The following TRIO variants were observed in gnomAD, a reference collection of about 807,000 sequenced individuals.
The protein encoded by TRIO is trio Rho guanine nucleotide exchange factor.
Under a neutral mutation model 351.9 loss-of-function variants are expected in TRIO, and 58 were observed. The ratio of observed to expected loss-of-function variants is 0.16; its 90% confidence interval spans 0.13 to 0.21. TRIO has a LOEUF of 0.21. Among genes scored for constraint, TRIO ranks in the 10% least tolerant of loss-of-function variants. The pLI is 1.00. For synonymous variants in TRIO, 1,758 were observed against 1,595.7 expected, an observed-to-expected ratio of 1.10 and a Z score of -2.42; for missense variants, 3,201 against 4,027.8, an observed-to-expected ratio of 0.79 and a Z score of 5.56.
intron 11 of TRIO, among the ~76,000 whole-genome samples, chr5:14,343,323 C>A (rs140636227): frequency 2.7e-3 from 416 of 152,280 alleles, no homozygotes; most frequent in Middle Eastern, 0.014. Context: ...ATTTGTGTAA[C>A]CACCATCACT....
chr5:14,330,477 G>A (rs1051451286), intron 9 of TRIO, among the ~76,000 whole-genome samples: 1 of 152,194 alleles, frequency 6.6e-6, no homozygotes, highest in Non-Finnish European at 1.5e-5. Context: ...GCCCAGTGGT[G>A]CATAGATAAG....
At chr5:14,335,022 C>G (rs1027395928) in intron 10 of TRIO, among the ~76,000 whole-genome samples, 1 of 150,496 alleles carries the variant, frequency 6.6e-6, no homozygotes, top group South Asian at 2.1e-4. Flanking sequence ...AGATCTGTCT[C>G]GTGTGTGTGT....
intron 38 of TRIO, among the ~76,000 whole-genome samples, chr5:14,471,796 G>A (rs1436872692): frequency 6.6e-6 from 1 of 152,090 alleles, no homozygotes; most frequent in African/African-American, 2.4e-5. Flanking sequence ...ATTAGAACCA[G>A]TCCCCAAAAC....
intron 48 of TRIO, among the ~76,000 whole-genome samples, chr5:14,491,042 C>T (rs914521548): frequency 3.9e-5 from 6 of 152,152 alleles, no homozygotes; most frequent in African/African-American, 7.2e-5. Context: ...GACTCCTCCA[C>T]GGCAGAGACA....
intron 9 of TRIO, among the ~76,000 whole-genome samples, chr5:14,329,974 C>G (rs1262668872): frequency 6.6e-6 from 1 of 152,150 alleles, no homozygotes; most frequent in East Asian, 1.9e-4. Context: ...GTACGGAGAG[C>G]CGACTGTACT....
chr5:14,334,245 C>A (rs1581640861), intron 10 of TRIO, among the ~76,000 whole-genome samples: 1 of 152,142 alleles, frequency 6.6e-6, no homozygotes, highest in East Asian at 1.9e-4. Flanking sequence ...TCTCTGTTCT[C>A]CAGTTGCAGA....
chr5:14,238,224 G>A (rs962529055), intron 1 of TRIO, among the ~76,000 whole-genome samples: 2 of 152,210 alleles, frequency 1.3e-5, no homozygotes, highest in African/African-American at 4.8e-5. Context: ...ATAGGGTCCT[G>A]GAGGTGAACT....
At chr5:14,419,141 A>G (rs1267465322) in intron 33 of TRIO, among the ~76,000 whole-genome samples, 1 of 152,208 alleles carries the variant, frequency 6.6e-6, no homozygotes, top group Non-Finnish European at 1.5e-5. Flanking sequence ...CGATGTCTGC[A>G]GAGCCTGTGG....
At chr5:14,150,310 G>A (rs1787752779) in intron 1 of TRIO, among the ~76,000 whole-genome samples, 1 of 152,010 alleles carries the variant, frequency 6.6e-6, no homozygotes, top group Non-Finnish European at 1.5e-5. Flanking sequence ...GAGTTAGGGG[G>A]TGGGGGAGTA....
At chr5:14,346,504 A>T (rs1479741161) in intron 11 of TRIO, among the ~76,000 whole-genome samples, 1 of 152,256 alleles carries the variant, frequency 6.6e-6, no homozygotes, top group African/African-American at 2.4e-5. Context: ...AAGTGGGCTG[A>T]TGCCAGAAGC....
chr5:14,340,257 C>G (rs947484683), intron 11 of TRIO, among the ~76,000 whole-genome samples: 7 of 151,970 alleles, frequency 4.6e-5, no homozygotes, highest in Non-Finnish European at 8.8e-5. Context: ...ATTAGCCAGG[C>G]GTGGTGGCGG....
chr5:14,207,318 T>TCACACACA (rs371912129), intron 1 of TRIO, among the ~76,000 whole-genome samples: 2 of 11,062 alleles, frequency 1.8e-4, no homozygotes, highest in Non-Finnish European at 1.9e-4. Flanking sequence ...AGACTGTCTC[T>TCACACACA]CACACACACA....
intron 39 of TRIO, 66 bp from the exon 40 acceptor site, chr5:14,473,928 C>T: frequency 6.6e-7 from 1 of 1,503,982 alleles, no homozygotes; most frequent in Non-Finnish European, 9.1e-7. Context: ...GACTATTAAT[C>T]AATAAGCCAC....
chr5:14,492,721 C>T lies in TRIO; in HGVS notation c.7787C>T (p.Thr2596Ile). The T allele has an allele frequency of 6.2e-7, 1 of 1,614,206 alleles. No homozygotes were observed. Among genetic ancestry groups the T allele is most frequent in the Non-Finnish European group, 8.5e-7 (1 of 1,180,020 alleles). ...ATGTTTCTGGTGTTCCGAGCCGCCACTGACCAGTGCCCCGCAGCTGAGGGC... is the reference window on the plus strand; with the variant it reads ...ATGTTTCTGGTGTTCCGAGCCGCCATTGACCAGTGCCCCGCAGCTGAGGGC... Reference protein sequence around the residue: ...QNMFLVFRAATDQCPAAEGWI... With the variant: ...QNMFLVFRAAIDQCPAAEGWI... The change falls in exon 49 of 57, where the codon ACT (threonine) becomes ATT (isoleucine). Residue 2596 changes from threonine to isoleucine, a missense_variant. By Grantham distance (89) the Thr-to-Ile change is moderately conservative. Coordinates refer to ENST00000344204, the MANE Select transcript of TRIO (RefSeq NM_007118.4).
At chr5:14,215,841 T>C (rs1445911333) in intron 1 of TRIO, among the ~76,000 whole-genome samples, 1 of 152,216 alleles carries the variant, frequency 6.6e-6, no homozygotes, top group African/African-American at 2.4e-5. Flanking sequence ...ATTTTGACAA[T>C]AGAAGCTAGT....
intron 1 of TRIO, among the ~76,000 whole-genome samples, chr5:14,188,351 G>A (rs1790248010): frequency 6.6e-6 from 1 of 152,280 alleles, no homozygotes; most frequent in South Asian, 2.1e-4. Flanking sequence ...GGAAACTGAG[G>A]TACAGAGAGA....
At chr5:14,419,580 C>T (rs1749941240) in intron 33 of TRIO, among the ~76,000 whole-genome samples, 198 bp from the exon 34 acceptor site, 1 of 152,140 alleles carries the variant, frequency 6.6e-6, no homozygotes, top group African/African-American at 2.4e-5. Context: ...AATAGAATGT[C>T]TCAGGTTCAA....
In TRIO at chr5:14,198,706, C is replaced by T. The variant is rs189768467; in HGVS notation, c.157+54824C>T. ...CTCATTCTTAGAACCTCTTGAGCCCCTTGATGTTGCCCAGTCAAGTCCATA... is the reference window on the plus strand; with the variant it reads ...CTCATTCTTAGAACCTCTTGAGCCCTTTGATGTTGCCCAGTCAAGTCCATA... On this transcript the variant is annotated intron_variant, in intron 1 of 56. Transcript: ENST00000344204. Among the ~76,000 whole-genome samples, 499 of 152,254 alleles carry T rather than the reference C, an allele frequency of 3.3e-3. 14 individuals are homozygous for T. The highest frequency in any genetic ancestry group is 4.7e-4 in the Non-Finnish European group (32 of 68,022).
At chr5:14,406,231 C>A in intron 32 of TRIO, 1 of 611,708 alleles carries the variant, frequency 1.6e-6, no homozygotes, top group Non-Finnish European at 2.8e-6. Flanking sequence ...GCCTTTCTCA[C>A]CCCGAGCACC....
Sources: gnomAD v4.1 joint callset for allele counts (sites outside exome capture counted in the v4.1 genomes callset) on GRCh38, gnomAD v4.1.1 for gene constraint, MANE v1.5 for transcripts, NCBI Gene and HGNC (gene_info 2026-07-23, HGNC 2026-07-21) for gene names.